Variants in PRKN observed in about 807,000 individuals in gnomAD.
The protein encoded by PRKN is parkin RBR E3 ubiquitin protein ligase.
A neutral mutation model predicts 59.5 loss-of-function variants in PRKN; 56 were observed. The ratio of observed to expected loss-of-function variants is 0.94; its 90% CI spans 0.76 to 1.18. The LOEUF is 1.18. PRKN is among the 50% of genes most tolerant of loss of function. The pLI is 0.00. For synonymous variants in PRKN, 250 were observed against 222.1 expected (o/e 1.13, Z -1.12); for missense variants, 657 against 596.4 (o/e 1.10, Z -1.06).
intron 6 of PRKN, among the ~76,000 whole-genome samples, chr6:161,787,617 T>G (rs964584200): frequency 6.6e-6 from 1 of 152,186 alleles, no homozygotes. Flanking sequence ...TATTAGAACA[T>G]TTATGAAAAT....
At chr6:162,250,348 G>T (rs1300743743) in intron 3 of PRKN, among the ~76,000 whole-genome samples, 1 of 152,016 alleles carries the variant, frequency 6.6e-6, no homozygotes, top group Non-Finnish European at 1.5e-5. Flanking sequence ...TTTTTGTTTG[G>T]TAAAGATTTC....
rs529733919 is a variant in PRKN, at chr6:162,235,751, C to T, written c.412+26774G>A. 2.3e-3 allele frequency among the ~76,000 whole-genome samples: 348 copies of T among 150,674 alleles called. 1 individual carries two copies. The highest frequency in any genetic ancestry group is 7.4e-3 in the African/African-American group (302 of 40,880). On this transcript the variant is annotated intron_variant, in intron 3 of 11. Coordinates refer to ENST00000366898, the MANE Select transcript of PRKN (RefSeq NM_004562.3). Reference sequence around the variant, plus strand: ...CCGGGAGGTGGAGGTTGCAGGGAGCCGAGATTGCACCATTGCACTCTAGCC... The same window carrying T: ...CCGGGAGGTGGAGGTTGCAGGGAGCTGAGATTGCACCATTGCACTCTAGCC...
rs1477889427 is a variant in PRKN at position 161,444,207 on chromosome 6, TG to T, written c.1084-57331del. ...CCCATCCCAGGGCAGCTTCATGGGA[TG>T]GGCCTGGCTGAGTGAGCTTCCTAAG... On this transcript the variant is annotated intron_variant, in intron 9 of 11. Transcript: ENST00000366898. This position sits in a 1 kb window ranked among gnomAD's most constrained non-coding sequence, Gnocchi z 5.6. Among the ~76,000 whole-genome samples, 3 of 152,192 alleles carry T rather than the reference TG, an allele frequency of 2.0e-5. No homozygotes were observed. Among genetic ancestry groups the T allele is most frequent in the African/African-American group, 7.2e-5 (3 of 41,458 alleles).
At chr6:161,878,566 T>C (rs543567938) in intron 6 of PRKN, among the ~76,000 whole-genome samples, 1 of 152,336 alleles carries the variant, frequency 6.6e-6, no homozygotes, top group South Asian at 2.1e-4. Context: ...AGCTACTAAT[T>C]TGCAGGGGCC....
At chr6:162,261,969 T>G (rs1779906817) in intron 3 of PRKN, among the ~76,000 whole-genome samples, 1 of 152,176 alleles carries the variant, frequency 6.6e-6, no homozygotes, top group African/African-American at 2.4e-5. Flanking sequence ...AAAATCAACT[T>G]CTACCCTGTA....
At position 162,262,521 on chromosome 6, in the gene PRKN, T is replaced by C; in HGVS notation, c.412+4A>G. 6.2e-7 allele frequency: 1 copy of C among 1,614,002 alleles called. No homozygotes were observed. Among genetic ancestry groups the C allele is most frequent in the African/African-American group, 1.3e-5 (1 of 75,014 alleles). On this transcript the variant is annotated splice_donor_region_variant and intron_variant, in intron 3 of 11. Coordinates refer to ENST00000366898, the MANE Select transcript of PRKN (RefSeq NM_004562.3). ...CTTTAATAATCTTAGAGCATTCCAA[T>C]TACCTGGACTTCCAGCTGGTGGTGA...
In PRKN at chr6:161,388,027, T is replaced by C. The variant is rs1786343889; in HGVS notation, c.1084-1150A>G. Among the ~76,000 whole-genome samples, 1 of 152,210 alleles carries C rather than the reference T, an allele frequency of 6.6e-6. No homozygotes were observed. The highest frequency in any genetic ancestry group is 6.5e-5 in the Admixed American group (1 of 15,280). On this transcript the variant is annotated intron_variant, in intron 9 of 11. Coordinates refer to ENST00000366898, the MANE Select transcript of PRKN (RefSeq NM_004562.3). This position sits in a 1 kb window ranked among gnomAD's most constrained non-coding sequence, Gnocchi z 4.3. ...CCAGAGAGGCTCGTTTAGGGCTGTCTGTCTGGGATCCATGGACCTCTCCTG... is the reference window on the plus strand; with the variant it reads ...CCAGAGAGGCTCGTTTAGGGCTGTCCGTCTGGGATCCATGGACCTCTCCTG...
At chr6:161,540,592 A>C (rs573688806) in intron 9 of PRKN, among the ~76,000 whole-genome samples, 1 of 152,212 alleles carries the variant, frequency 6.6e-6, no homozygotes, top group African/African-American at 2.4e-5. Context: ...TTTGGGTATC[A>C]CTTGCTCATT....
intron 1 of PRKN, among the ~76,000 whole-genome samples, chr6:162,712,893 C>A (rs1778588516): frequency 6.6e-6 from 1 of 152,198 alleles, no homozygotes; most frequent in East Asian, 1.9e-4. Context: ...GAAACCTCCA[C>A]ATAAAACTAG....
intron 1 of PRKN, among the ~76,000 whole-genome samples, chr6:162,560,023 T>C (rs554709659): frequency 6.6e-6 from 1 of 152,328 alleles, no homozygotes; most frequent in Admixed American, 6.5e-5. Flanking sequence ...TCTGATACCA[T>C]TATTATTAAA....
Position 161,498,565 on chromosome 6 carries a change from A to T in PRKN, c.1083+50289T>A, listed in dbSNP as rs1777839570. ...CCAATGAAATGTGGGTGGCAATGAC[A>T]TGTGTAACTTGAGGCCAGAGCCTTT... On this transcript the variant is annotated intron_variant, in intron 9 of 11. Coordinates refer to ENST00000366898, the MANE Select transcript of PRKN (RefSeq NM_004562.3). This position sits in a 1 kb window ranked among gnomAD's most constrained non-coding sequence, Gnocchi z 4.2. Among the ~76,000 whole-genome samples the T allele has an allele frequency of 6.6e-6, 1 of 152,104 alleles. No homozygotes were observed. The highest frequency in any genetic ancestry group is 2.4e-5 in the African/African-American group (1 of 41,396).
chr6:161,946,468 C>G (rs142244872), intron 6 of PRKN, among the ~76,000 whole-genome samples: 1 of 149,106 alleles, frequency 6.7e-6, no homozygotes, highest in African/African-American at 2.5e-5. Context: ...AAAGAGACAG[C>G]GCTAACCCTG....
chr6:162,034,828 A>G (rs1322789963), intron 5 of PRKN, among the ~76,000 whole-genome samples: 1 of 152,154 alleles, frequency 6.6e-6, no homozygotes, highest in African/African-American at 2.4e-5. Flanking sequence ...ACCTTTTATC[A>G]CGGAATTATG....
At chr6:161,738,568 C>T (rs191535732) in intron 7 of PRKN, among the ~76,000 whole-genome samples, 304 of 152,226 alleles carry the variant, frequency 2.0e-3, no homozygotes, top group African/African-American at 7.1e-3. Flanking sequence ...ACAGGCTCCC[C>T]GTGCCACCAG....
chr6:161,597,590 T>C (rs1781960586), intron 7 of PRKN, among the ~76,000 whole-genome samples: 1 of 151,920 alleles, frequency 6.6e-6, no homozygotes, highest in Non-Finnish European at 1.5e-5. Context: ...ACTTCCTGCC[T>C]TGCTGCCCTC....
intron 8 of PRKN, among the ~76,000 whole-genome samples, chr6:161,563,765 G>A (rs909004832): frequency 7.9e-5 from 12 of 152,130 alleles, no homozygotes; most frequent in African/African-American, 2.7e-4. Flanking sequence ...TCTGCTGTGG[G>A]TCTCTGCCAT....
chr6:161,824,402 T>C (rs1583211105), intron 6 of PRKN, among the ~76,000 whole-genome samples: 1 of 152,246 alleles, frequency 6.6e-6, no homozygotes. Context: ...ATGAATCATG[T>C]ACGCTTTTTG....
chr6:162,639,384 T>G (rs1777872737), intron 1 of PRKN, among the ~76,000 whole-genome samples: 3 of 152,174 alleles, frequency 2.0e-5, no homozygotes, highest in African/African-American at 7.2e-5. Flanking sequence ...AGGAAGCCAG[T>G]AAGATGTTAA....
chr6:162,340,000 C>T (rs943555375), intron 2 of PRKN, among the ~76,000 whole-genome samples: 1 of 147,238 alleles, frequency 6.8e-6, no homozygotes, highest in African/African-American at 2.5e-5. Flanking sequence ...ACAAACACTG[C>T]GGAAGGCCGC....
Sources: allele counts gnomAD v4.1 joint callset (sites outside exome capture counted in the v4.1 genomes callset), GRCh38; gene constraint gnomAD v4.1.1; non-coding constraint Gnocchi (gnomAD v3.1); transcripts MANE v1.5; gene names NCBI Gene and HGNC (gene_info 2026-07-23, HGNC 2026-07-21).